CDH18: variants seen among roughly 807,000 people sequenced by gnomAD.
CDH18 encodes cadherin 18, also known as cadherin-18.
Under a neutral mutation model 67.9 loss-of-function variants are expected in CDH18, and 31 were observed. That is an observed-to-expected ratio of 0.46 (90% confidence interval 0.34 to 0.62). CDH18 has a LOEUF of 0.62. Ranked by LOEUF, CDH18 falls within the 20% of genes least tolerant of loss-of-function variation. CDH18 has a pLI of 0.01. For synonymous variants in CDH18, 362 were observed against 347.2 expected (o/e 1.04, Z -0.48); for missense variants, 890 against 975.5 (o/e 0.91, Z 1.17).
At chr5:20,425,878 G>T (rs1323208896) in intron 1 of CDH18, among the ~76,000 whole-genome samples, 1 of 150,534 alleles carries the variant, frequency 6.6e-6, no homozygotes. Flanking sequence ...TGTTTTAACT[G>T]GCTTGATAAA....
chr5:20,463,111 G>A (rs966463628), intron 1 of CDH18, among the ~76,000 whole-genome samples: 8 of 151,968 alleles, frequency 5.3e-5, no homozygotes, highest in South Asian at 2.1e-4. Context: ...ATTCTGATTC[G>A]ATCTTGTGCT....
chr5:20,347,188 A>T (rs949074020), intron 1 of CDH18, among the ~76,000 whole-genome samples: 4 of 152,078 alleles, frequency 2.6e-5, no homozygotes, highest in African/African-American at 9.7e-5. Flanking sequence ...TGCTTCTTGG[A>T]CTCTGCATAT....
At chr5:19,537,295 G>A (rs948020268) in intron 9 of CDH18, among the ~76,000 whole-genome samples, 1 of 152,072 alleles carries the variant, frequency 6.6e-6, no homozygotes, top group East Asian at 1.9e-4. Flanking sequence ...GGGATACAGA[G>A]TCTGCAGATT....
chr5:20,527,252 T>A (rs887846678), intron 1 of CDH18, among the ~76,000 whole-genome samples: 1 of 151,952 alleles, frequency 6.6e-6, no homozygotes, highest in Non-Finnish European at 1.5e-5. Context: ...CTGAGAACTA[T>A]GGGACTATGT....
chr5:19,721,530 C>A, intron 4 of CDH18, 64 bp from the exon 5 acceptor site: 1 of 1,500,780 alleles, frequency 6.7e-7, no homozygotes, highest in Middle Eastern at 1.8e-4. Context: ...AATTTGAACA[C>A]AGAAAATGGG....
chr5:19,909,933 TTGTA>T (rs1790944566), intron 2 of CDH18, among the ~76,000 whole-genome samples: 1 of 152,150 alleles, frequency 6.6e-6, no homozygotes, highest in African/African-American at 2.4e-5. Context: ...ATGCGTTGAA[TTGTA>T]TGTCATTTTC....
intron 2 of CDH18, among the ~76,000 whole-genome samples, chr5:20,207,510 C>A (rs1739995726): frequency 6.6e-6 from 1 of 151,972 alleles, no homozygotes; most frequent in Non-Finnish European, 1.5e-5. Context: ...TGAAGAAGCT[C>A]ACAATCATGG....
At chr5:19,691,947 G>A (rs1761945245) in intron 5 of CDH18, among the ~76,000 whole-genome samples, 1 of 151,880 alleles carries the variant, frequency 6.6e-6, no homozygotes. Context: ...AAAGAACAAA[G>A]CTGGAGGCAT....
intron 3 of CDH18, among the ~76,000 whole-genome samples, chr5:19,815,543 A>G (rs144256498): frequency 3.7e-4 from 54 of 147,148 alleles, no homozygotes; most frequent in African/African-American, 1.3e-3. Flanking sequence ...ATTTGAAAAT[A>G]CATATTAAAT....
At chr5:20,016,343 G>GA (rs563998602) in intron 2 of CDH18, among the ~76,000 whole-genome samples, 26 of 152,060 alleles carry the variant, frequency 1.7e-4, no homozygotes, top group Middle Eastern at 3.4e-3. Context: ...AAGAGGATCA[G>GA]AAAAAAATAA....
At chr5:20,236,135 C>T (rs1466964662) in intron 2 of CDH18, among the ~76,000 whole-genome samples, 5 of 151,860 alleles carry the variant, frequency 3.3e-5, no homozygotes, top group Non-Finnish European at 7.4e-5. Flanking sequence ...TGCTGACTAC[C>T]TGGGTGACAG....
rs551769082 is a variant in CDH18 at position 19,848,808 on chromosome 5, T to C, written c.-256-9566A>G. ...TATAAAATGCTATACATATATATCA[T>C]ATAAAATGCTATATATATAGATGAT... On this transcript the variant is annotated intron_variant, in intron 2 of 12. Transcript: ENST00000382275. 2.1e-3 allele frequency among the ~76,000 whole-genome samples: 321 copies of C among 150,800 alleles called. 1 individual carries two copies. Among genetic ancestry groups the C allele is most frequent in the African/African-American group, 7.4e-3 (303 of 41,214 alleles).
intron 5 of CDH18, among the ~76,000 whole-genome samples, chr5:19,659,007 G>T (rs1236914040): frequency 1.3e-5 from 2 of 152,100 alleles, no homozygotes; most frequent in African/African-American, 2.4e-5. Flanking sequence ...TAGGGACATG[G>T]ATGAAGCTGG....
chr5:20,253,852 TA>T (rs1468217296), intron 2 of CDH18, among the ~76,000 whole-genome samples: 2 of 152,208 alleles, frequency 1.3e-5, no homozygotes, highest in Non-Finnish European at 2.9e-5. Flanking sequence ...AAAATCTCTC[TA>T]ATTTCCCTAG....
chr5:19,909,407 C>A (rs1004716422), intron 2 of CDH18, among the ~76,000 whole-genome samples: 14 of 149,084 alleles, frequency 9.4e-5, no homozygotes, highest in African/African-American at 3.5e-4. Flanking sequence ...TCAAGTGATT[C>A]TCCTGACTCA....
At chr5:19,804,808 C>T (rs1777865120) in intron 3 of CDH18, among the ~76,000 whole-genome samples, 1 of 152,076 alleles carries the variant, frequency 6.6e-6, no homozygotes, top group Non-Finnish European at 1.5e-5. Flanking sequence ...TCCATGGATT[C>T]CCATTAATTT....
chr5:20,271,586 A>T (rs954166227), intron 1 of CDH18, among the ~76,000 whole-genome samples: 5 of 152,038 alleles, frequency 3.3e-5, no homozygotes, highest in Admixed American at 1.3e-4. Context: ...AAATTAATTT[A>T]AAAAAGAAAG....
intron 1 of CDH18, among the ~76,000 whole-genome samples, chr5:20,272,787 T>G (rs1745533440): frequency 6.6e-6 from 1 of 152,026 alleles, no homozygotes; most frequent in Non-Finnish European, 1.5e-5. Context: ...CTCTACATAA[T>G]AATAAGTAAA....
intron 2 of CDH18, among the ~76,000 whole-genome samples, chr5:20,142,298 G>A (rs547709156): frequency 6.6e-6 from 1 of 152,154 alleles, no homozygotes; most frequent in Non-Finnish European, 1.5e-5. Context: ...AGCTAATCCA[G>A]CCCAGTTGTG....
Sources: allele counts gnomAD v4.1 joint callset (sites outside exome capture counted in the v4.1 genomes callset), GRCh38; gene constraint gnomAD v4.1.1; transcripts MANE v1.5; gene names NCBI Gene and HGNC (gene_info 2026-07-23, HGNC 2026-07-21).